The following SUGCT variants were observed in gnomAD, a reference collection of about 807,000 sequenced individuals.
The protein encoded by SUGCT is succinyl-CoA:glutarate-CoA transferase, also known as succinyl-CoA:glutarate CoA-transferase.
Under a neutral mutation model 55.0 loss-of-function variants are expected in SUGCT, and 41 were observed. The ratio of observed to expected loss-of-function variants is 0.74; its 90% CI spans 0.58 to 0.97. The LOEUF (loss-of-function observed/expected upper bound fraction) is 0.97. SUGCT is among the 50% of genes least tolerant of loss of function. The probability of loss-of-function intolerance (pLI) is 0.00; values close to 1 mark genes in which losing one functional copy is unlikely to be tolerated. For missense variants in SUGCT, 568 were observed against 547.8 expected, an observed-to-expected ratio of 1.04 and a Z score of -0.37; for synonymous variants, 187 against 200.4, an observed-to-expected ratio of 0.93 and a Z score of 0.56.
chr7:40,927,588 G>A, the SUGCT span, among the ~76,000 whole-genome samples: 1 of 152,152 alleles, frequency 6.6e-6, no homozygotes, highest in Non-Finnish European at 1.5e-5. Flanking sequence ...CTGTTGAGGG[G>A]CATATAGTCA....
At chr7:40,500,872 C>T (rs182212434) in intron 12 of SUGCT, among the ~76,000 whole-genome samples, 62 of 150,456 alleles carry the variant, frequency 4.1e-4, no homozygotes, top group African/African-American at 7.7e-4. Context: ...CACACAGACA[C>T]GCACACACAC....
chr7:40,566,007 A>G (rs900587995), intron 12 of SUGCT, among the ~76,000 whole-genome samples: 31 of 149,194 alleles, frequency 2.1e-4, no homozygotes, highest in Admixed American at 1.5e-3. Context: ...ACACACACAC[A>G]CACACACACA....
At chr7:40,269,588 G>C (rs535491233) in intron 7 of SUGCT, among the ~76,000 whole-genome samples, 1 of 152,254 alleles carries the variant, frequency 6.6e-6, no homozygotes, top group South Asian at 2.1e-4. Context: ...CTCCCAAAGT[G>C]CTGGGATCAC....
the SUGCT span, among the ~76,000 whole-genome samples, chr7:41,013,755 C>CT: frequency 0.092 from 12,909 of 140,784 alleles, 1,069 homozygotes; most frequent in African/African-American, 0.22. Flanking sequence ...TTCTTTCTTT[C>CT]TTTTTTTTTT....
Position 40,858,403 on chromosome 7 carries a change from C to CAAA in SUGCT, c.1154-1889_1154-1887dup, listed in dbSNP as rs58628576. On this transcript the variant is annotated intron_variant, in intron 13 of 13. Transcript: ENST00000335693. Reference sequence around the variant, plus strand: ...GGGCAACAAGAGCAAAATTCCATCTCAAAAAAAAAAAAAAAAAAAAAAAAA... The same window carrying CAAA: ...GGGCAACAAGAGCAAAATTCCATCTCAAAAAAAAAAAAAAAAAAAAAAAAAAAA... Among the ~76,000 whole-genome samples the CAAA allele has an allele frequency of 6.3e-4, 22 of 34,750 alleles. 1 individual carries two copies. The highest frequency in any genetic ancestry group is 5.4e-3 in the East Asian group (4 of 734). 22.8% of individuals were successfully genotyped at this position (34,750 alleles called of 152,430 possible).
At chr7:40,450,907 G>A (rs55964496) in intron 10 of SUGCT, among the ~76,000 whole-genome samples, 15,717 of 152,150 alleles carry the variant, frequency 0.1, 1,081 homozygotes, top group Middle Eastern at 0.19. Flanking sequence ...CACAGCAAAG[G>A]GTTGGGAAGG....
At chr7:40,245,261 G>T (rs1789738523) in intron 7 of SUGCT, among the ~76,000 whole-genome samples, 1 of 149,174 alleles carries the variant, frequency 6.7e-6, no homozygotes, top group South Asian at 2.1e-4. Flanking sequence ...GTTTCACCGT[G>T]TTGGCCAGGC....
rs540833728 is a variant in SUGCT at position 40,325,846 on chromosome 7, A to G, written c.816+8991A>G. ...AACAACAACAACAAAACAAAAACAA[A>G]TTTCTTTTCTGACTGTATCCAAACT... is the stretch of plus-strand genomic sequence containing the variant. On this transcript the variant is annotated intron_variant, in intron 9 of 13. Coordinates refer to ENST00000335693, the MANE Select transcript of SUGCT (RefSeq NM_001193313.2). Among the ~76,000 whole-genome samples the G allele has an allele frequency of 9.4e-5, 14 of 149,562 alleles. No individual in the cohort carries two copies. The East Asian group carries it at 2.8e-3, about 30-fold the overall frequency.
At chr7:40,931,852 G>T in the SUGCT span, among the ~76,000 whole-genome samples, 1 of 151,968 alleles carries the variant, frequency 6.6e-6, no homozygotes, top group Non-Finnish European at 1.5e-5. Context: ...TATCAATTTT[G>T]TTGATCTTTT....
At chr7:40,889,698 T>C in the SUGCT span, among the ~76,000 whole-genome samples, 19,726 of 152,140 alleles carry the variant, frequency 0.13, 1,693 homozygotes, top group South Asian at 0.18. Flanking sequence ...CAAACTTCCT[T>C]TGACTTATTA....
At chr7:40,353,382 G>A (rs1219680143) in intron 9 of SUGCT, among the ~76,000 whole-genome samples, 1 of 152,148 alleles carries the variant, frequency 6.6e-6, no homozygotes, top group Non-Finnish European at 1.5e-5. Flanking sequence ...ATGAATCAGA[G>A]TTCACATTTT....
intron 12 of SUGCT, among the ~76,000 whole-genome samples, chr7:40,714,637 A>C (rs527588136): frequency 6.6e-6 from 1 of 152,190 alleles, no homozygotes; most frequent in Non-Finnish European, 1.5e-5. Flanking sequence ...AAATTATTAC[A>C]TAACTGCATA....
intron 12 of SUGCT, among the ~76,000 whole-genome samples, chr7:40,630,514 A>G (rs1799740156): frequency 6.6e-6 from 1 of 152,066 alleles, no homozygotes; most frequent in African/African-American, 2.4e-5. Context: ...GTTTTTGGTT[A>G]AAAAAAAGAT....
intron 9 of SUGCT, among the ~76,000 whole-genome samples, chr7:40,391,200 A>T (rs1490689947): frequency 1.3e-5 from 2 of 152,224 alleles, no homozygotes; most frequent in East Asian, 3.8e-4. Flanking sequence ...AACGTAGGCA[A>T]TACCATTCAG....
chr7:40,656,722 A>C (rs1801033682), intron 12 of SUGCT, among the ~76,000 whole-genome samples: 1 of 152,224 alleles, frequency 6.6e-6, no homozygotes, highest in Admixed American at 6.5e-5. Flanking sequence ...ATTCCAATTT[A>C]ATTTGCACTG....
intron 9 of SUGCT, among the ~76,000 whole-genome samples, chr7:40,390,513 C>A (rs1306995418): frequency 6.6e-6 from 1 of 152,148 alleles, no homozygotes; most frequent in Non-Finnish European, 1.5e-5. Context: ...AGAGCCAAAT[C>A]GTGAGTGAAC....
chr7:40,658,318 A>G (rs966503033), intron 12 of SUGCT, among the ~76,000 whole-genome samples: 3 of 152,188 alleles, frequency 2.0e-5, no homozygotes, highest in Non-Finnish European at 2.9e-5. Context: ...CAACTCTGTT[A>G]TGTTGAACCC....
chr7:40,465,879 AT>A (rs1202845630), intron 11 of SUGCT, among the ~76,000 whole-genome samples: 1 of 152,008 alleles, frequency 6.6e-6, no homozygotes, highest in East Asian at 1.9e-4. Context: ...TTCAAAAAAA[AT>A]AAATAAATAT....
At chr7:40,393,981 G>T (rs1426570683) in intron 9 of SUGCT, among the ~76,000 whole-genome samples, 3 of 152,200 alleles carry the variant, frequency 2.0e-5, no homozygotes, top group African/African-American at 7.2e-5. Context: ...TTGTTCTAGG[G>T]ATTGTGTCTC....
Sources: gnomAD v4.1 joint callset for allele counts (sites outside exome capture counted in the v4.1 genomes callset) on GRCh38, gnomAD v4.1.1 for gene constraint, MANE v1.5 for transcripts, NCBI Gene and HGNC (gene_info 2026-07-23, HGNC 2026-07-21) for gene names.